The following SLC37A1 variants were observed in gnomAD, a reference collection of about 807,000 sequenced individuals.
SLC37A1 encodes the protein glucose-6-phosphate exchanger SLC37A1.
SLC37A1 carries 49 observed loss-of-function variants against 75.3 expected under a neutral mutation model. The observed-to-expected ratio is 0.65, with a 90% CI of 0.52 to 0.83. The LOEUF (loss-of-function observed/expected upper bound fraction) is 0.83. SLC37A1 is among the 40% of genes least tolerant of loss of function. The pLI is 0.00. For synonymous variants in SLC37A1, 268 were observed against 292.1 expected, an observed-to-expected ratio of 0.92 and a Z score of 0.84; for missense variants, 566 against 695.0, an observed-to-expected ratio of 0.81 and a Z score of 2.09.
Position 42,539,602 on chromosome 21 carries a change from G to T in SLC37A1, c.441G>T (p.Gly147=), listed in dbSNP as rs758908719. ...SGAFTALFGL[G]YFYNIHSFGF... is the part of the protein sequence containing the mutation. ...CCTTCACCGCCCTGTTCGGCTTAGG[G>T]TATTTCTACAACATCCACAGTTTCG... Residue 147 remains glycine, a synonymous_variant, in exon 6 of 20, where the codon GGG becomes GGT. Coordinates refer to ENST00000352133, the MANE Select transcript of SLC37A1 (RefSeq NM_001320537.2). The T allele has an allele frequency of 6.2e-7, 1 of 1,613,954 alleles. No individual in the cohort carries two copies. Among genetic ancestry groups the T allele is most frequent in the South Asian group, 1.1e-5 (1 of 91,054 alleles).
At chr21:42,512,824 C>T (rs375322699), upstream of SLC37A1, among the ~76,000 whole-genome samples, 15 of 152,362 alleles carry the variant, frequency 9.8e-5, 4 homozygotes, top group East Asian at 1.9e-4. Flanking sequence ...GAGACACAGA[C>T]ATCAGAGTGT....
intron 16 of SLC37A1, 104 bp downstream of exon 16, chr21:42,567,162 G>A (rs2056001483): frequency 8.0e-7 from 1 of 1,248,762 alleles, no homozygotes; most frequent in East Asian, 2.5e-5. Flanking sequence ...ATTTGCAGAA[G>A]CACGTTTTTG....
At chr21:42,524,744 G>A (rs1421025617) in intron 2 of SLC37A1, among the ~76,000 whole-genome samples, 1 of 152,158 alleles carries the variant, frequency 6.6e-6, no homozygotes, top group Non-Finnish European at 1.5e-5. Flanking sequence ...TTAAATAGAT[G>A]AATGCTTTTG....
In SLC37A1 at chr21:42,539,574, G is replaced by A; in HGVS notation, c.413G>A (p.Gly138Glu). The change falls in exon 6 of 20, where the codon GGA becomes GAA. Residue 138 changes from glycine (G) to glutamate (E), a missense_variant. Coordinates refer to ENST00000352133, the MANE Select transcript of SLC37A1 (RefSeq NM_001320537.2). Reference sequence around the variant, plus strand: ...CTAACTTTCGGGATGCTCGCCAGCGGAGCCTTCACCGCCCTGTTCGGCTTA... The same window carrying A: ...CTAACTTTCGGGATGCTCGCCAGCGAAGCCTTCACCGCCCTGTTCGGCTTA... ...YYLTFGMLAS[G>E]AFTALFGLGY... 1 of 1,614,036 alleles carries A rather than the reference G, an allele frequency of 6.2e-7. No individual in the cohort carries two copies. The highest frequency in any genetic ancestry group is 8.5e-7 in the Non-Finnish European group (1 of 1,179,962).
intron 12 of SLC37A1, among the ~76,000 whole-genome samples, 199 bp from the exon 13 acceptor site, chr21:42,563,616 C>T (rs144511071): frequency 2.0e-5 from 3 of 152,330 alleles, no homozygotes; most frequent in Non-Finnish European, 4.4e-5. Flanking sequence ...AGAGGAAAGC[C>T]ACGGTTTTTG....
Position 42,567,032 on chromosome 21 carries a change from A to G in SLC37A1, c.1318A>G (p.Ile440Val). Residue 440 changes from isoleucine to valine, a missense_variant, in exon 16 of 20, where the codon ATC (isoleucine) becomes GTC (valine). By Grantham distance (29) the Ile-to-Val change is conservative. Coordinates refer to ENST00000352133, the MANE Select transcript of SLC37A1 (RefSeq NM_001320537.2). ...GALVSGPYTLITTAVSADLGT... is the reference protein window; with the variant it reads ...GALVSGPYTLVTTAVSADLGT... ...CCTGGTCAGTGGGCCCTACACACTC[A>G]TCACCACCGCCGTCTCCGCCGACCT... 6.2e-7 allele frequency: 1 copy of G among 1,609,290 alleles called. No individual in the cohort carries two copies. The highest frequency in any genetic ancestry group is 8.5e-7 in the Non-Finnish European group (1 of 1,179,916).
chr21:42,523,662 C>T lies in SLC37A1; in HGVS notation c.57-2114C>T, dbSNP rs531969954. ...ATGATAGGCTCGCCTTTTAGGGTTT[C>T]GCTTTTTTCCCATTTGGCCCTTGCC... On this transcript the variant is annotated intron_variant, in intron 2 of 19. Transcript: ENST00000352133. Among the ~76,000 whole-genome samples, 24 of 152,326 alleles carry T rather than the reference C, an allele frequency of 1.6e-4. No homozygotes were observed. The South Asian group carries it at 4.3e-3, about 28-fold the overall frequency.
chr21:42,555,255 T>C (rs2055660406), intron 10 of SLC37A1, among the ~76,000 whole-genome samples: 1 of 152,166 alleles, frequency 6.6e-6, no homozygotes, highest in Non-Finnish European at 1.5e-5. Context: ...CCCAAAGTGC[T>C]GGAATTACAG....
In SLC37A1 at chr21:42,543,418, T is replaced by G. The variant is rs539175665; in HGVS notation, c.564-18T>G. On this transcript the variant is annotated intron_variant, in intron 7 of 19. Transcript: ENST00000352133. ...CTTCTCAGCTCCATCTTCTGTCTTC[T>G]GTTTTGTTGTGCTGCAGGAGAGGTT... The G allele has an allele frequency of 6.2e-7, 1 of 1,614,178 alleles. No homozygotes were observed. Among genetic ancestry groups the G allele is most frequent in the Non-Finnish European group, 8.5e-7 (1 of 1,179,998 alleles).
chr21:42,560,813 C>A (rs1344993301), intron 11 of SLC37A1, among the ~76,000 whole-genome samples: 1 of 152,172 alleles, frequency 6.6e-6, no homozygotes, highest in Non-Finnish European at 1.5e-5. Context: ...GTAGCTACCC[C>A]CAAATACTTG....
chr21:42,564,797 A>G lies in SLC37A1; in HGVS notation c.1221+4A>G. On this transcript the variant is annotated splice_donor_region_variant and intron_variant, in intron 14 of 19. Coordinates refer to ENST00000352133, the MANE Select transcript of SLC37A1 (RefSeq NM_001320537.2). ...GCTGCTGCTCGCGGCCCCCACGGTC[A>G]GCCGTGCTGCCTTCCCTGGGCCCCA... 6.2e-7 allele frequency: 1 copy of G among 1,603,340 alleles called. No individual in the cohort carries two copies. The highest frequency in any genetic ancestry group is 2.2e-5 in the East Asian group (1 of 44,878).
chr21:42,549,929 T>TA (rs2055515939), intron 9 of SLC37A1, among the ~76,000 whole-genome samples: 1 of 152,196 alleles, frequency 6.6e-6, no homozygotes, highest in Admixed American at 6.5e-5. Flanking sequence ...GTGTACCCAT[T>TA]ACCCAAGTTT....
chr21:42,564,646 C>A, intron 13 of SLC37A1, 62 bp from the exon 14 acceptor site: 1 of 1,372,658 alleles, frequency 7.3e-7, no homozygotes, highest in East Asian at 2.3e-5. Flanking sequence ...TGCAGTTCTG[C>A]TTCCTCCCCG....
At chr21:42,572,003 CCT>C (rs765791046) in intron 17 of SLC37A1, among the ~76,000 whole-genome samples, 24 of 152,308 alleles carry the variant, frequency 1.6e-4, no homozygotes, top group African/African-American at 4.1e-4. Flanking sequence ...AGTCTAGACC[CCT>C]GTTTACCACT....
exon 1 of SLC37A1, chr21:42,499,698 G>C (rs1443317062): frequency 1.3e-5 from 2 of 152,286 alleles, no homozygotes; most frequent in African/African-American, 2.4e-5. Flanking sequence ...CCTCGAGAGA[G>C]TGGAGGGCAA....
chr21:42,532,522 G>A (rs1235465732), intron 3 of SLC37A1, among the ~76,000 whole-genome samples: 1 of 152,172 alleles, frequency 6.6e-6, no homozygotes, highest in Non-Finnish European at 1.5e-5. Context: ...TGACTTCCAT[G>A]GGAGGCAGCA....
intron 16 of SLC37A1, 74 bp downstream of exon 16, chr21:42,567,132 A>G (rs1244647775): frequency 3.3e-6 from 5 of 1,510,118 alleles, no homozygotes; most frequent in Middle Eastern, 1.7e-4. Flanking sequence ...AGTGGCCTCC[A>G]TTACTGTTAG....
intron 5 of SLC37A1, 45 bp downstream of exon 5, chr21:42,535,595 C>A (rs1321254305): frequency 1.3e-6 from 2 of 1,541,892 alleles, no homozygotes; most frequent in Non-Finnish European, 1.8e-6. Flanking sequence ...TTACCTGGCC[C>A]CTCCGTGCAG....
chr21:42,574,767 G>T, intron 17 of SLC37A1, 51 bp from the exon 18 acceptor site: 3 of 1,586,336 alleles, frequency 1.9e-6, no homozygotes, highest in Non-Finnish European at 2.6e-6. Flanking sequence ...CTAGTTATGT[G>T]CTGGGATTTT....
Sources: gnomAD v4.1 joint callset for allele counts (sites outside exome capture counted in the v4.1 genomes callset) on GRCh38, gnomAD v4.1.1 for gene constraint, MANE v1.5 for transcripts, NCBI Gene and HGNC (gene_info 2026-07-23, HGNC 2026-07-21) for gene names.